Variants in MAN2A1 observed in about 807,000 individuals in gnomAD.
The protein encoded by MAN2A1 is mannosidase alpha class 2A member 1, also known as alpha-mannosidase 2.
MAN2A1 carries 76 observed loss-of-function variants against 142.6 expected under a neutral mutation model. The observed-to-expected ratio is 0.53, with a 90% CI of 0.44 to 0.65. The LOEUF is 0.65. Among genes scored for constraint, MAN2A1 ranks in the 30% least tolerant of loss-of-function variants. The pLI is 0.00. For missense variants in MAN2A1, 1,311 were observed against 1,365.1 expected (o/e 0.96, Z 0.62); for synonymous variants, 559 against 473.2 (o/e 1.18, Z -2.35).
At chr5:109,843,727 C>T (rs936192371) in intron 17 of MAN2A1, among the ~76,000 whole-genome samples, 1 of 152,080 alleles carries the variant, frequency 6.6e-6, no homozygotes, top group Non-Finnish European at 1.5e-5. Context: ...TTGATTTATA[C>T]AATCTTATCA....
intron 1 of MAN2A1, chr5:109,699,714 G>A (rs1302006242): frequency 1.3e-5 from 2 of 157,544 alleles, no homozygotes; most frequent in Admixed American, 1.3e-4. Context: ...GCAGCTTCAG[G>A]AGGGGCTCAC....
intron 10 of MAN2A1, among the ~76,000 whole-genome samples, chr5:109,786,819 C>T (rs962331423): frequency 2.0e-5 from 3 of 151,806 alleles, no homozygotes; most frequent in East Asian, 3.9e-4. Flanking sequence ...CATTTGGCTG[C>T]GAGTAATAGC....
intron 16 of MAN2A1, among the ~76,000 whole-genome samples, chr5:109,828,318 T>G (rs1473220754): frequency 6.6e-6 from 1 of 152,194 alleles, no homozygotes; most frequent in Non-Finnish European, 1.5e-5. Context: ...AATTGAAGCT[T>G]TAAACATTAC....
At chr5:109,847,572 A>G in intron 18 of MAN2A1, 85 bp from the exon 19 acceptor site, 1 of 1,227,888 alleles carries the variant, frequency 8.1e-7, no homozygotes, top group Non-Finnish European at 1.1e-6. Context: ...GCAATACATC[A>G]TGACTGCTAC....
At chr5:109,755,561 CATT>C (rs1752667211) in intron 5 of MAN2A1, 105 bp downstream of exon 5, 1 of 834,412 alleles carries the variant, frequency 1.2e-6, no homozygotes, top group Non-Finnish European at 1.9e-6. Context: ...CCCTGTTAGT[CATT>C]ATTGTTGAAT....
chr5:109,707,995 T>C (rs1751184341), intron 1 of MAN2A1, among the ~76,000 whole-genome samples: 1 of 152,016 alleles, frequency 6.6e-6, no homozygotes, highest in South Asian at 2.1e-4. Flanking sequence ...GAGATACAAA[T>C]ATGGGAGACA....
chr5:109,817,063 G>C (rs577818378), intron 12 of MAN2A1, among the ~76,000 whole-genome samples: 44 of 152,264 alleles, frequency 2.9e-4, no homozygotes, highest in Middle Eastern at 3.4e-3. Flanking sequence ...CTACTCAGGA[G>C]ACTGAGGTGG....
chr5:109,837,860 TTATC>T (rs1309127647), intron 16 of MAN2A1, among the ~76,000 whole-genome samples: 2 of 152,196 alleles, frequency 1.3e-5, no homozygotes, highest in Non-Finnish European at 2.9e-5. Flanking sequence ...TACTTAAACT[TTATC>T]CATAGCCCAG....
chr5:109,718,149 T>C (rs1004034788), intron 3 of MAN2A1, among the ~76,000 whole-genome samples: 1 of 152,228 alleles, frequency 6.6e-6, no homozygotes, highest in Admixed American at 6.5e-5. Context: ...TTCTTGTTAC[T>C]TAATTGGGAG....
In MAN2A1 at chr5:109,690,511, GACTACCCCAGGA is replaced by G. The variant is rs1750634652; in HGVS notation, c.97_108del (p.Tyr33_Asn36del). 1 of 1,613,008 alleles carries G rather than the reference GACTACCCCAGGA, an allele frequency of 6.2e-7. No individual in the cohort carries two copies. Among genetic ancestry groups the G allele is most frequent in the Admixed American group, 1.7e-5 (1 of 59,888 alleles). ...CCTGATGCTGGACCGGGGTCACTTA[GACTACCCCAGGA>G]ACCCGCGCCGCGAGGGCTCCTTCCC... On this transcript the variant is annotated inframe_deletion, in exon 1 of 22. Transcript: ENST00000261483.
intron 18 of MAN2A1, 59 bp from the exon 19 acceptor site, chr5:109,847,598 T>A: frequency 7.3e-7 from 1 of 1,372,140 alleles, no homozygotes; most frequent in Non-Finnish European, 9.5e-7. Context: ...TGATGCTCAA[T>A]GAATGTCAGT....
At chr5:109,753,024 T>C (rs1332192531) in intron 4 of MAN2A1, among the ~76,000 whole-genome samples, 4 of 152,208 alleles carry the variant, frequency 2.6e-5, no homozygotes, top group Non-Finnish European at 5.9e-5. Context: ...TTTTTCCACT[T>C]AATTTTTAGT....
At chr5:109,827,897 C>G (rs531035275) in intron 16 of MAN2A1, among the ~76,000 whole-genome samples, 1 of 152,206 alleles carries the variant, frequency 6.6e-6, no homozygotes, top group South Asian at 2.1e-4. Flanking sequence ...GTCAGGAGAT[C>G]AAGACCATCC....
At chr5:109,742,741 C>T (rs1752303089) in intron 4 of MAN2A1, among the ~76,000 whole-genome samples, 1 of 152,098 alleles carries the variant, frequency 6.6e-6, no homozygotes, top group Non-Finnish European at 1.5e-5. Flanking sequence ...GAGTCATTTG[C>T]AGATTTGGAT....
At chr5:109,813,581 A>G (rs1561524977) in intron 12 of MAN2A1, among the ~76,000 whole-genome samples, 1 of 152,226 alleles carries the variant, frequency 6.6e-6, no homozygotes, top group Non-Finnish European at 1.5e-5. Flanking sequence ...TGCACTCTGA[A>G]TGAAGGTCCC....
At chr5:109,797,640 A>C (rs776945258) in intron 12 of MAN2A1, among the ~76,000 whole-genome samples, 5 of 152,188 alleles carry the variant, frequency 3.3e-5, no homozygotes, top group Non-Finnish European at 5.9e-5. Context: ...CAATGATCAA[A>C]GATATAATTG....
Position 109,865,082 on chromosome 5 carries a change from A to G in MAN2A1, c.3218A>G (p.Lys1073Arg), listed in dbSNP as rs751252259. The G allele has an allele frequency of 2.5e-5, 41 of 1,613,900 alleles. No homozygotes were observed. The highest frequency in any genetic ancestry group is 2.2e-4 in the Admixed American group (13 of 59,990). Residue 1073 changes from lysine to arginine, a missense_variant, in exon 21 of 22, where the codon AAA (lysine) becomes AGA (arginine). Transcript: ENST00000261483. The stretch of plus-strand genomic sequence containing the variant: ...GAGGCAGCCTTGATCCTCCACAGAA[A>G]AGGGTTTGATTGTCGGTTCTCTAGC... ...SNEAALILHR[K>R]GFDCRFSSKG...
At chr5:109,822,668 A>G (rs1304535864) in intron 15 of MAN2A1, among the ~76,000 whole-genome samples, 4 of 152,002 alleles carry the variant, frequency 2.6e-5, no homozygotes, top group African/African-American at 9.7e-5. Context: ...AAATTACACA[A>G]TTCTGAAAAA....
At chr5:109,775,064 A>G in intron 8 of MAN2A1, 99 bp downstream of exon 8, 2 of 735,800 alleles carry the variant, frequency 2.7e-6, no homozygotes, top group Non-Finnish European at 4.4e-6. Context: ...CCTACATCAC[A>G]GTGCTTCTTA....
Sources: gnomAD v4.1 joint callset for allele counts (sites outside exome capture counted in the v4.1 genomes callset) on GRCh38, gnomAD v4.1.1 for gene constraint, MANE v1.5 for transcripts, NCBI Gene and HGNC (gene_info 2026-07-23, HGNC 2026-07-21) for gene names.